ASIC2: variants seen among roughly 807,000 people sequenced by gnomAD.
ASIC2 encodes the protein acid-sensing ion channel 2.
In ASIC2, 25 loss-of-function variants were observed where a neutral mutation model predicts 57.3. The ratio of observed to expected loss-of-function variants is 0.44; its 90% confidence interval spans 0.32 to 0.61. The LOEUF (loss-of-function observed/expected upper bound fraction) is 0.61. ASIC2 is among the 20% of genes least tolerant of loss of function. The pLI is 0.06. For missense variants in ASIC2, 641 were observed against 738.1 expected, an observed-to-expected ratio of 0.87 and a Z score of 1.52; for synonymous variants, 319 against 307.5, an observed-to-expected ratio of 1.04 and a Z score of -0.39.
At chr17:33,557,981 C>T (rs1301356915) in intron 1 of ASIC2, among the ~76,000 whole-genome samples, 2 of 151,876 alleles carry the variant, frequency 1.3e-5, no homozygotes, top group East Asian at 1.9e-4. Context: ...CTCATTTGGA[C>T]CATATTTTTT....
At chr17:33,245,933 T>C (rs1464017035) in intron 1 of ASIC2, among the ~76,000 whole-genome samples, 1 of 151,856 alleles carries the variant, frequency 6.6e-6, no homozygotes, top group Non-Finnish European at 1.5e-5. Flanking sequence ...TTCATGTCTG[T>C]AATCCCAGCA....
intron 1 of ASIC2, among the ~76,000 whole-genome samples, chr17:33,193,993 G>A (rs1906529683): frequency 6.6e-6 from 1 of 152,084 alleles, no homozygotes; most frequent in Admixed American, 6.5e-5. Flanking sequence ...CTTCTGGGGA[G>A]CCTACCCTAA....
At chr17:33,996,629 TG>T (rs1906169757) in intron 1 of ASIC2, among the ~76,000 whole-genome samples, 2 of 152,224 alleles carry the variant, frequency 1.3e-5, no homozygotes, top group Non-Finnish European at 2.9e-5. Context: ...TCTCCCATTG[TG>T]TGTTCTTGGT....
At chr17:33,842,273 G>A (rs1913461964) in intron 1 of ASIC2, among the ~76,000 whole-genome samples, 2 of 152,178 alleles carry the variant, frequency 1.3e-5, no homozygotes, top group South Asian at 2.1e-4. Context: ...TGTTCCATGG[G>A]ATGGGATGGG....
At chr17:34,135,300 G>T (rs1022218634) in intron 1 of ASIC2, among the ~76,000 whole-genome samples, 1 of 152,220 alleles carries the variant, frequency 6.6e-6, no homozygotes, top group South Asian at 2.1e-4. Context: ...ACTGAAAGCA[G>T]GAACATGGCA....
chr17:33,090,435 C>A (rs1432669302), intron 2 of ASIC2, among the ~76,000 whole-genome samples: 4 of 152,110 alleles, frequency 2.6e-5, no homozygotes, highest in African/African-American at 9.7e-5. Flanking sequence ...TCAGGAGATG[C>A]CTAATGAATG....
intron 1 of ASIC2, among the ~76,000 whole-genome samples, chr17:33,178,348 G>A (rs910576698): frequency 1.1e-4 from 16 of 152,200 alleles, no homozygotes; most frequent in Admixed American, 9.8e-4. Context: ...AGACAGACAT[G>A]TAAACAACTG....
chr17:33,829,348 G>T (rs1205913690), intron 1 of ASIC2, among the ~76,000 whole-genome samples: 2 of 152,172 alleles, frequency 1.3e-5, no homozygotes, highest in Non-Finnish European at 2.9e-5. Context: ...TGATGTCTGT[G>T]TTTGTATCAT....
At chr17:33,896,621 G>A (rs1915106355) in intron 1 of ASIC2, among the ~76,000 whole-genome samples, 1 of 152,214 alleles carries the variant, frequency 6.6e-6, no homozygotes, top group Admixed American at 6.5e-5. Context: ...GGGGCTGTCT[G>A]TAGCTTTGTA....
At chr17:33,899,285 C>T (rs6505388) in intron 1 of ASIC2, among the ~76,000 whole-genome samples, 23,701 of 152,088 alleles carry the variant, frequency 0.16, 1,883 homozygotes, top group South Asian at 0.2. Flanking sequence ...CTGTCAGCAC[C>T]GAGATGGGGG....
chr17:34,031,342 C>G (rs2142037159), intron 1 of ASIC2, among the ~76,000 whole-genome samples: 1 of 152,202 alleles, frequency 6.6e-6, no homozygotes, highest in Non-Finnish European at 1.5e-5. Context: ...GAAGGACATC[C>G]ACACCAAAAA....
At chr17:33,846,726 CT>C (rs71144902) in intron 1 of ASIC2, among the ~76,000 whole-genome samples, 463 of 143,452 alleles carry the variant, frequency 3.2e-3, no homozygotes, top group East Asian at 9.3e-3. Context: ...TCAGTGATAA[CT>C]TTTTTTTTTT....
At chr17:33,035,979 A>G (rs1220996553) in intron 3 of ASIC2, among the ~76,000 whole-genome samples, 1 of 152,142 alleles carries the variant, frequency 6.6e-6, no homozygotes, top group Admixed American at 6.5e-5. Flanking sequence ...TTCCCTTAGA[A>G]CTTTGAAATG....
chr17:33,166,329 T>C (rs1263731089), intron 1 of ASIC2, among the ~76,000 whole-genome samples: 2 of 152,224 alleles, frequency 1.3e-5, no homozygotes, highest in African/African-American at 4.8e-5. Flanking sequence ...TCCTTTGCTG[T>C]CTTCTCTGCT....
chr17:33,531,927 A>G (rs1050750921), intron 1 of ASIC2, among the ~76,000 whole-genome samples: 1 of 152,342 alleles, frequency 6.6e-6, no homozygotes, highest in Middle Eastern at 3.4e-3. Context: ...GTCAAGGGCC[A>G]CATGGAAAGG....
intron 3 of ASIC2, 70 bp downstream of exon 3, chr17:33,088,793 C>A (rs553818063): frequency 6.7e-7 from 1 of 1,485,250 alleles, no homozygotes; most frequent in South Asian, 1.4e-5. Flanking sequence ...TTCCATTTCT[C>A]CTCCTTGTGC....
chr17:33,898,518 G>A (rs1166662727), intron 1 of ASIC2, among the ~76,000 whole-genome samples: 1 of 152,048 alleles, frequency 6.6e-6, no homozygotes, highest in Non-Finnish European at 1.5e-5. Flanking sequence ...TTACAGGCAT[G>A]AGCCACCACC....
At chr17:34,099,558 G>A (rs1214955642) in intron 1 of ASIC2, among the ~76,000 whole-genome samples, 5 of 141,554 alleles carry the variant, frequency 3.5e-5, no homozygotes, top group African/African-American at 1.4e-4. Context: ...GGGAAGGAAG[G>A]AAGAGAGGGA....
At chr17:33,122,710 A>G (rs2092307641) in intron 1 of ASIC2, among the ~76,000 whole-genome samples, 1 of 152,202 alleles carries the variant, frequency 6.6e-6, no homozygotes, top group Admixed American at 6.5e-5. Flanking sequence ...CAAGTTTGAA[A>G]TATACACTCT....
Sources: allele counts gnomAD v4.1 joint callset (sites outside exome capture counted in the v4.1 genomes callset), GRCh38; gene constraint gnomAD v4.1.1; transcripts MANE v1.5; gene names NCBI Gene and HGNC (gene_info 2026-07-23, HGNC 2026-07-21).